KMT2C: variants seen among roughly 807,000 people sequenced by gnomAD.
KMT2C encodes histone-lysine N-methyltransferase 2C.
In KMT2C, 88 loss-of-function variants were observed where a neutral mutation model predicts 507.9. That is an observed-to-expected ratio of 0.17 (90% CI 0.15 to 0.21). KMT2C has a LOEUF of 0.21. KMT2C is among the 10% of genes least tolerant of loss of function. The pLI is 1.00. For missense variants in KMT2C, 4,954 were observed against 5,957.8 expected, an observed-to-expected ratio of 0.83 and a Z score of 5.55; for synonymous variants, 2,049 against 2,080.8, an observed-to-expected ratio of 0.98 and a Z score of 0.42.
rs183144078 is a variant in KMT2C at position 152,144,635 on chromosome 7, C to T, written c.14343+78G>A. 285 of 1,368,962 alleles carry T rather than the reference C, an allele frequency of 2.1e-4. 1 individual carries two copies. The African/African-American group carries it at 3.4e-3, about 16-fold the overall frequency. 84.8% of individuals were successfully genotyped at this position (1,368,962 alleles called of 1,614,324 possible). ...CTGCAGCTATGTGAAATCATTTTCA[C>T]ATACTGGACATCAATAGCTTCAGAT... On this transcript the variant is annotated intron_variant, in intron 55 of 58. Transcript: ENST00000262189. This position sits in a 1 kb window ranked among gnomAD's most constrained non-coding sequence, Gnocchi z 4.4.
chr7:152,416,893 C>CA (rs1440922953), intron 1 of KMT2C, among the ~76,000 whole-genome samples: 1 of 150,834 alleles, frequency 6.6e-6, no homozygotes, highest in Non-Finnish European at 1.5e-5. Context: ...CTACTAAAAT[C>CA]AAAAAATTAG....
rs1491277955 is a variant in KMT2C at position 152,201,617 on chromosome 7, G to GGAAA, written c.4092+1316_4092+1317insTTTC. The stretch of plus-strand genomic sequence containing the variant: ...CCCAGGAGAAAACAACAACAAAGAT[G>GGAAA]AAAAAAAAAAAAAAAAAAAAAAAAA... On this transcript the variant is annotated intron_variant, in intron 26 of 58. Coordinates refer to ENST00000262189, the MANE Select transcript of KMT2C (RefSeq NM_170606.3). Among the ~76,000 whole-genome samples, 114 of 22,898 alleles carry GGAAA rather than the reference G, an allele frequency of 5.0e-3. 8 individuals are homozygous for GGAAA. Among genetic ancestry groups the GGAAA allele is most frequent in the African/African-American group, 8.8e-3 (107 of 12,172 alleles). The allele number at this position is 22,898 out of a possible 152,430, so 15.0% of individuals were successfully genotyped here.
At chr7:152,269,608 A>G (rs530639236) in intron 7 of KMT2C, among the ~76,000 whole-genome samples, 2 of 152,372 alleles carry the variant, frequency 1.3e-5, no homozygotes, top group South Asian at 4.1e-4. Context: ...AAGATAATTT[A>G]AAAGGGCAGA....
At chr7:152,182,745 A>G (rs2093474638) in intron 35 of KMT2C, 151 bp from the exon 36 acceptor site, 2 of 782,340 alleles carry the variant, frequency 2.6e-6, no homozygotes, top group South Asian at 3.8e-5. Flanking sequence ...AAGAAGAGAA[A>G]TTACTCATCA....
At chr7:152,215,382 CAGGT>C (rs2094547942) in intron 23 of KMT2C, among the ~76,000 whole-genome samples, 1 of 151,428 alleles carries the variant, frequency 6.6e-6, no homozygotes, top group East Asian at 1.9e-4. Flanking sequence ...GGCGTGGTGG[CAGGT>C]GCCTGTAGTC....
chr7:152,153,173 A>T (rs2091780543), intron 48 of KMT2C, among the ~76,000 whole-genome samples: 1 of 152,220 alleles, frequency 6.6e-6, no homozygotes. Flanking sequence ...TCATAAAGGG[A>T]TTCCAATTAA....
chr7:152,271,072 A>G (rs891318504), intron 7 of KMT2C, among the ~76,000 whole-genome samples: 6 of 152,208 alleles, frequency 3.9e-5, no homozygotes, highest in Non-Finnish European at 8.8e-5. Context: ...AGGAGGTAAA[A>G]TAACTACCCT....
chr7:152,245,513 C>T (rs2095458153), intron 14 of KMT2C, among the ~76,000 whole-genome samples: 1 of 151,908 alleles, frequency 6.6e-6, no homozygotes, highest in African/African-American at 2.4e-5. Flanking sequence ...AGTGTAACTA[C>T]TTGAAAATTT....
At chr7:152,405,915 CA>C (rs1589783143) in intron 1 of KMT2C, among the ~76,000 whole-genome samples, 3 of 138,450 alleles carry the variant, frequency 2.2e-5, no homozygotes, top group East Asian at 2.4e-4. Context: ...ACCTGGGAGG[CA>C]GAGGTTGCAG....
At chr7:152,238,450 G>A (rs1407792216) in intron 15 of KMT2C, among the ~76,000 whole-genome samples, 1 of 152,172 alleles carries the variant, frequency 6.6e-6, no homozygotes, top group South Asian at 2.1e-4. Flanking sequence ...TTACCTTTTG[G>A]TCTACATGTC....
At chr7:152,399,802 GAA>G (rs2097560631) in intron 1 of KMT2C, among the ~76,000 whole-genome samples, 1 of 151,826 alleles carries the variant, frequency 6.6e-6, no homozygotes, top group Admixed American at 6.6e-5. Context: ...CATAAAATGA[GAA>G]AAGATATTGG....
chr7:152,163,116 A>G lies in KMT2C; in HGVS notation c.10461T>C (p.Asn3487=). The change falls in exon 43 of 59, where the codon AAT becomes AAC. Residue 3487 remains asparagine (N), a synonymous_variant. Coordinates refer to ENST00000262189, the MANE Select transcript of KMT2C (RefSeq NM_170606.3). ...GTGAATTAATTGATCCTTGTTGTAT[A>G]TTCTGCTGCTGTAAAACCTGCCCCA... ...QQMGQVLQQQ[N]IQQGSINSPS... 1 of 1,614,226 alleles carries G rather than the reference A, an allele frequency of 6.2e-7. No homozygotes were observed. The highest frequency in any genetic ancestry group is 8.5e-7 in the Non-Finnish European group (1 of 1,180,046).
chr7:152,367,642 T>A, intron 1 of KMT2C: 1 of 1,424,460 alleles, frequency 7.0e-7, no homozygotes, highest in Non-Finnish European at 9.9e-7. Context: ...CAATCCAAAG[T>A]TTTAATCAAA....
At position 152,196,024 on chromosome 7, in the gene KMT2C, A is replaced by G; in HGVS notation, c.4274-13T>C. ...TCATCAGCAGGACCTAAATATAGTA[A>G]ATATGTTTTTTAAAATTTCAGTATT... is the stretch of plus-strand genomic sequence containing the variant. On this transcript the variant is annotated splice_polypyrimidine_tract_variant and intron_variant, in intron 27 of 58. Transcript: ENST00000262189. 1 of 1,490,634 alleles carries G rather than the reference A, an allele frequency of 6.7e-7. No homozygotes were observed. Among genetic ancestry groups the G allele is most frequent in the Non-Finnish European group, 9.2e-7 (1 of 1,087,084 alleles). 92.3% of individuals were successfully genotyped at this position (1,490,634 alleles called of 1,614,324 possible).
intron 23 of KMT2C, among the ~76,000 whole-genome samples, chr7:152,208,858 C>G (rs1038855982): frequency 6.6e-6 from 1 of 152,136 alleles, no homozygotes; most frequent in Non-Finnish European, 1.5e-5. Flanking sequence ...CGGCTTATGA[C>G]TAAGCCATGA....
intron 9 of KMT2C, among the ~76,000 whole-genome samples, chr7:152,256,237 T>A (rs771669880): frequency 2.6e-4 from 39 of 151,932 alleles, no homozygotes; most frequent in Non-Finnish European, 5.4e-4. Context: ...ACCCTCAGTG[T>A]AGGGAAAGGC....
At position 152,177,757 on chromosome 7, in the gene KMT2C, G is replaced by A. The variant is rs1463916448; in HGVS notation, c.7696C>T (p.Pro2566Ser). ...AAAGGCAGCCGTTGCCTTCCGTCAG[G>A]AGCCCTATGTCTCAGTTCAATATAT... ...QAYIELRHRA[P>S]DGRQRLPFSA... Residue 2566 changes from proline to serine, a missense_variant, in exon 38 of 59, where the codon CCT (proline) becomes TCT (serine). Pro to Ser is a moderately conservative substitution (Grantham distance 74). Around this residue, in one of 29 missense-constraint regions of KMT2C, gnomAD observed 1,689 missense variants for 1,654.3 expected, o/e 1.02. Transcript: ENST00000262189. 1.2e-6 allele frequency: 2 copies of A among 1,613,970 alleles called. No homozygotes were observed. The highest frequency in any genetic ancestry group is 1.1e-5 in the South Asian group (1 of 91,086).
At chr7:152,166,971 G>T (rs1587860497) in intron 42 of KMT2C, among the ~76,000 whole-genome samples, 175 bp downstream of exon 42, 1 of 152,174 alleles carries the variant, frequency 6.6e-6, no homozygotes, top group African/African-American at 2.4e-5. Flanking sequence ...GACTGGAGCT[G>T]TTATGGCTGC....
chr7:152,252,490 G>C, intron 10 of KMT2C, 56 bp downstream of exon 10: 1 of 1,415,352 alleles, frequency 7.1e-7, no homozygotes, highest in Non-Finnish European at 9.9e-7. Flanking sequence ...TAGAGCAAAT[G>C]ACCACATGAA....
Sources: allele counts gnomAD v4.1 joint callset (sites outside exome capture counted in the v4.1 genomes callset), GRCh38; gene constraint gnomAD v4.1.1; regional missense constraint gnomAD v4.1.1; non-coding constraint Gnocchi (gnomAD v3.1); transcripts MANE v1.5; gene names NCBI Gene and HGNC (gene_info 2026-07-23, HGNC 2026-07-21).